Variants in GALNT12 observed in about 807,000 individuals in gnomAD.
GALNT12 encodes the protein UDP-GalNAc:polypeptide N-acetylgalactosaminyltransferase 12.
In GALNT12, 45 loss-of-function variants were observed where a neutral mutation model predicts 55.5. The ratio of observed to expected loss-of-function variants is 0.81; its 90% CI spans 0.64 to 1.04. The LOEUF (loss-of-function observed/expected upper bound fraction) is 1.04. GALNT12 is among the 50% of genes least tolerant of loss of function. The pLI is 0.00. For synonymous variants in GALNT12, 304 were observed against 312.2 expected (o/e 0.97, Z 0.28); for missense variants, 709 against 754.8 (o/e 0.94, Z 0.71).
rs778827951 is a variant in GALNT12 at position 98,840,082 on chromosome 9, T to A, written c.1293T>A (p.Thr431=). 1.2e-6 allele frequency: 2 copies of A among 1,614,128 alleles called. No homozygotes were observed. Among genetic ancestry groups the A allele is most frequent in the Admixed American group, 3.3e-5 (2 of 60,028 alleles). ...AAGACTTCAAGTGGTTCTTGGAGACTGTGTATCCAGAACTGCATGTGCCTG... is the reference window on the plus strand; with the variant it reads ...AAGACTTCAAGTGGTTCTTGGAGACAGTGTATCCAGAACTGCATGTGCCTG... ...QCKDFKWFLE[T]VYPELHVPED... Residue 431 remains threonine (T), a synonymous_variant, in exon 7 of 10, where the codon ACT becomes ACA. Transcript: ENST00000375011.
At chr9:98,827,030 A>C in intron 3 of GALNT12, 89 bp downstream of exon 3, 1 of 1,402,628 alleles carries the variant, frequency 7.1e-7, no homozygotes, top group South Asian at 1.2e-5. Context: ...TTGAGGGTTA[A>C]CGGGTTGCCT....
intron 7 of GALNT12, among the ~76,000 whole-genome samples, chr9:98,840,711 C>A (rs1162509849): frequency 6.6e-6 from 1 of 152,130 alleles, no homozygotes; most frequent in African/African-American, 2.4e-5. Flanking sequence ...ATGTTACATT[C>A]TATTTTCATT....
chr9:98,849,212 G>A lies in GALNT12; in HGVS notation c.*120G>A. On this transcript the variant is annotated 3_prime_UTR_variant, in exon 10 of 10. Coordinates refer to ENST00000375011, the MANE Select transcript of GALNT12 (RefSeq NM_024642.5). Reference sequence around the variant, plus strand: ...AACTAGGCTGCATTGCTTTGAAGAGGCAATCATTTTGCCATTTGTGAAAGT... The same window carrying A: ...AACTAGGCTGCATTGCTTTGAAGAGACAATCATTTTGCCATTTGTGAAAGT... The A allele has an allele frequency of 2.1e-6, 2 of 974,518 alleles. No individual in the cohort carries two copies. The highest frequency in any genetic ancestry group is 2.0e-5 in the Admixed American group (1 of 50,832). The allele number at this position is 974,518 out of a possible 1,614,324, so 60.4% of individuals were successfully genotyped here.
chr9:98,822,391 T>C (rs558640221), intron 1 of GALNT12, among the ~76,000 whole-genome samples: 11 of 152,194 alleles, frequency 7.2e-5, no homozygotes, highest in South Asian at 2.1e-4. Flanking sequence ...TAGAATTCTG[T>C]GTCAACCAGG....
rs191507850 is a variant in GALNT12 at position 98,817,560 on chromosome 9, T to C, written c.372-5696T>C. 3.9e-5 allele frequency among the ~76,000 whole-genome samples: 6 copies of C among 152,112 alleles called. No homozygotes were observed. The East Asian group carries it at 9.7e-4, about 24-fold the overall frequency. On this transcript the variant is annotated intron_variant, in intron 1 of 9. Transcript: ENST00000375011. ...CTCACTGCAACCTCCGCCTCCCAGG[T>C]TCAAGTGATTCTCCTGCCTCAGCCT...
At chr9:98,835,454 C>G (rs1209950213) in intron 5 of GALNT12, 88 bp downstream of exon 5, 36 of 846,328 alleles carry the variant, frequency 4.3e-5, no homozygotes, top group Non-Finnish European at 7.5e-5. Flanking sequence ...CCTGGTGGAC[C>G]CTGAAAGATG....
intron 5 of GALNT12, 102 bp downstream of exon 5, chr9:98,835,468 A>T (rs1246620575): frequency 2.5e-6 from 2 of 804,502 alleles, no homozygotes; most frequent in Non-Finnish European, 4.5e-6. Flanking sequence ...AAAGATGATG[A>T]CACGCATATC....
intron 8 of GALNT12, among the ~76,000 whole-genome samples, chr9:98,845,528 G>T (rs1836390428): frequency 6.6e-6 from 1 of 152,142 alleles, no homozygotes; most frequent in East Asian, 1.9e-4. Context: ...TTGTCTGCTT[G>T]TGCACAGCAC....
chr9:98,832,726 C>A (rs1275962676), intron 4 of GALNT12, among the ~76,000 whole-genome samples: 1 of 152,148 alleles, frequency 6.6e-6, no homozygotes, highest in Non-Finnish European at 1.5e-5. Flanking sequence ...TGAGTGGAAT[C>A]ATACAATATT....
At chr9:98,811,130 C>T (rs1025885139) in intron 1 of GALNT12, among the ~76,000 whole-genome samples, 30 of 152,054 alleles carry the variant, frequency 2.0e-4, no homozygotes, top group African/African-American at 5.8e-4. Flanking sequence ...TATGCAACCA[C>T]GGGTGAAAGC....
chr9:98,827,548 T>G, intron 3 of GALNT12, among the ~76,000 whole-genome samples: 1 of 152,176 alleles, frequency 6.6e-6, no homozygotes, highest in Admixed American at 6.5e-5. Context: ...TAAAAAATCC[T>G]CAGTCAAATA....
chr9:98,849,288 C>T lies in GALNT12; in HGVS notation c.*196C>T, dbSNP rs1163121666. 1.6e-6 allele frequency: 1 copy of T among 622,256 alleles called. No individual in the cohort carries two copies. The highest frequency in any genetic ancestry group is 2.8e-6 in the Non-Finnish European group (1 of 352,960). The allele number at this position is 622,256 out of a possible 1,614,324, so 38.5% of individuals were successfully genotyped here. The stretch of plus-strand genomic sequence containing the variant: ...ATAAGCTTTGTACTTATTTTGAGAA[C>T]TTTTTAAATGTTCCAAAATACCCTA... On this transcript the variant is annotated 3_prime_UTR_variant, in exon 10 of 10. Coordinates refer to ENST00000375011, the MANE Select transcript of GALNT12 (RefSeq NM_024642.5).
chr9:98,815,613 T>C (rs977372943), intron 1 of GALNT12, among the ~76,000 whole-genome samples: 1 of 152,210 alleles, frequency 6.6e-6, no homozygotes, highest in South Asian at 2.1e-4. Flanking sequence ...AAATTATTGC[T>C]CAATGAAGGC....
At chr9:98,847,979 A>G (rs536824760) in intron 9 of GALNT12, among the ~76,000 whole-genome samples, 155 of 151,948 alleles carry the variant, frequency 1.0e-3, no homozygotes, top group Non-Finnish European at 1.7e-3. Flanking sequence ...CGCCCAGCTA[A>G]TTTTTTGTAT....
intron 6 of GALNT12, 58 bp from the exon 7 acceptor site, chr9:98,839,944 G>A: frequency 6.2e-7 from 1 of 1,609,730 alleles, no homozygotes; most frequent in Non-Finnish European, 8.5e-7. Flanking sequence ...GTGAACACAG[G>A]GGCTTTGAAA....
In GALNT12 at chr9:98,826,767, G is replaced by A. The variant is rs758830613; in HGVS notation, c.557G>A (p.Arg186His). 11 of 1,611,318 alleles carry A rather than the reference G, an allele frequency of 6.8e-6. No homozygotes were observed. The Admixed American group carries it at 8.3e-5, about 12-fold the overall frequency. The change falls in exon 3 of 10, where the codon CGC (arginine) becomes CAC (histidine). Residue 186 changes from arginine (R) to histidine (H), a missense_variant. By Grantham distance (29) the Arg-to-His change is conservative (BLOSUM62 0). Coordinates refer to ENST00000375011, the MANE Select transcript of GALNT12 (RefSeq NM_024642.5). The part of the protein sequence containing the change: ...DYSDREHLKE[R>H]LANELSGLPK... Reference sequence around the variant, plus strand: ...GCCTCCCTAGAGCACCTGAAGGAGCGCTTGGCCAATGAGCTTTCGGGACTG... The same window carrying A: ...GCCTCCCTAGAGCACCTGAAGGAGCACTTGGCCAATGAGCTTTCGGGACTG...
At position 98,823,444 on chromosome 9, in the gene GALNT12, T is replaced by A. The variant is rs754099502; in HGVS notation, c.541+19T>A. On this transcript the variant is annotated intron_variant, in intron 2 of 9. Transcript: ENST00000375011. ...GATAGAGGTGAGTCCCGGCCAGGGC[T>A]CTGGGAAGAGCCTGTCCTTCTGTAG... The A allele has an allele frequency of 2.5e-6, 4 of 1,610,884 alleles. No homozygotes were observed. Among genetic ancestry groups the A allele is most frequent in the Non-Finnish European group, 3.4e-6 (4 of 1,177,292 alleles).
chr9:98,808,133 G>T, intron 1 of GALNT12, 64 bp downstream of exon 1: 1 of 1,370,656 alleles, frequency 7.3e-7, no homozygotes, highest in South Asian at 1.2e-5. Flanking sequence ...TTCTCCATCA[G>T]AGCAGTGGCA....
chr9:98,811,418 T>G (rs113667059), intron 1 of GALNT12, among the ~76,000 whole-genome samples: 2,176 of 152,296 alleles, frequency 0.014, 51 homozygotes, highest in African/African-American at 0.05. Context: ...TGATATTTAG[T>G]AGAAGAGAGA....
Sources: gnomAD v4.1 joint callset for allele counts (sites outside exome capture counted in the v4.1 genomes callset) on GRCh38, gnomAD v4.1.1 for gene constraint, MANE v1.5 for transcripts, NCBI Gene and HGNC (gene_info 2026-07-23, HGNC 2026-07-21) for gene names.